The following MYO1H variants were observed in gnomAD, a reference collection of about 807,000 sequenced individuals.
MYO1H encodes the protein myosin IH.
Under a neutral mutation model 149.3 loss-of-function variants are expected in MYO1H, and 118 were observed. The observed-to-expected ratio is 0.79, with a 90% confidence interval of 0.68 to 0.92. The LOEUF is 0.92. MYO1H is among the 40% of genes least tolerant of loss of function. The pLI, the probability that MYO1H is intolerant of heterozygous loss-of-function variation, is 0.00. For synonymous variants in MYO1H, 447 were observed against 465.2 expected, an observed-to-expected ratio of 0.96 and a Z score of 0.50; for missense variants, 1,212 against 1,280.7, an observed-to-expected ratio of 0.95 and a Z score of 0.82.
At chr12:109,353,393 C>CAAGAAAAAAAAA (rs1868507584) in intron 1 of MYO1H, among the ~76,000 whole-genome samples, 1 of 79,298 alleles carries the variant, frequency 1.3e-5, no homozygotes, top group Non-Finnish European at 2.4e-5. Context: ...GACTCCGTCT[C>CAAGAAAAAAAAA]AAAAAAAAAA....
chr12:109,412,944 C>T (rs942005342), intron 14 of MYO1H, among the ~76,000 whole-genome samples: 8 of 141,136 alleles, frequency 5.7e-5, no homozygotes, highest in South Asian at 4.3e-4. Context: ...TGCCACTACG[C>T]CCGGCTAATT....
chr12:109,312,425 C>T, the MYO1H span, among the ~76,000 whole-genome samples: 17 of 148,990 alleles, frequency 1.1e-4, no homozygotes, highest in African/African-American at 3.6e-4. Flanking sequence ...TAAGTAGAGA[C>T]GGGGTTTCAC....
chr12:109,424,866 C>G lies in MYO1H; in HGVS notation c.1725+38C>G, dbSNP rs775652815. Reference sequence around the variant, plus strand: ...AACACCCATGCAAAATTGGATCTCACCAGAGGGTGAGATGACCACCAACTA... The same window carrying G: ...AACACCCATGCAAAATTGGATCTCAGCAGAGGGTGAGATGACCACCAACTA... On this transcript the variant is annotated intron_variant, in intron 17 of 31. Transcript: ENST00000310903. 8.4e-6 allele frequency: 13 copies of G among 1,555,106 alleles called. No individual in the cohort carries two copies. The Admixed American group carries it at 2.0e-4, about 24-fold the overall frequency.
At chr12:109,402,631 A>T (rs1047030611) in intron 6 of MYO1H, among the ~76,000 whole-genome samples, 1 of 152,232 alleles carries the variant, frequency 6.6e-6, no homozygotes, top group Non-Finnish European at 1.5e-5. Flanking sequence ...GAAATAAGAA[A>T]AATGAAGGTA....
At chr12:109,391,689 A>G (rs575502039) in intron 2 of MYO1H, among the ~76,000 whole-genome samples, 1 of 152,310 alleles carries the variant, frequency 6.6e-6, no homozygotes, top group East Asian at 1.9e-4. Context: ...AACAGTGTAA[A>G]AGCCTTCCTT....
chr12:109,364,648 CTTA>C (rs1868830030), intron 1 of MYO1H, among the ~76,000 whole-genome samples: 1 of 152,128 alleles, frequency 6.6e-6, no homozygotes. Context: ...ACTATTATGT[CTTA>C]TTGTTGTAAA....
In MYO1H at chr12:109,396,587, G is replaced by A. The variant is rs781582124; in HGVS notation, c.489+5G>A. The stretch of plus-strand genomic sequence containing the variant: ...TTCTCCAACCCAGTGCTGGAGGTAA[G>A]CGATCTCTGGGGACCAATCGAAGGG... On this transcript the variant is annotated splice_donor_5th_base_variant and intron_variant, in intron 4 of 31. Transcript: ENST00000310903. 11 of 1,607,446 alleles carry A rather than the reference G, an allele frequency of 6.8e-6. No individual in the cohort carries two copies. The South Asian group carries it at 1.2e-4, about 18-fold the overall frequency.
intron 16 of MYO1H, among the ~76,000 whole-genome samples, chr12:109,423,389 T>C (rs1278546163): frequency 6.6e-6 from 1 of 152,226 alleles, no homozygotes; most frequent in African/African-American, 2.4e-5. Flanking sequence ...CTTGAACTCC[T>C]GGCCTCAGGT....
At chr12:109,394,953 G>T (rs1482044389) in intron 3 of MYO1H, among the ~76,000 whole-genome samples, 2 of 152,094 alleles carry the variant, frequency 1.3e-5, no homozygotes, top group Non-Finnish European at 1.5e-5. Flanking sequence ...ATAGAGACAG[G>T]GTCTCAGTGT....
the MYO1H span, among the ~76,000 whole-genome samples, chr12:109,310,566 C>G: frequency 6.6e-6 from 1 of 151,386 alleles, no homozygotes; most frequent in Non-Finnish European, 1.5e-5. Context: ...CTCGCGTTAT[C>G]TACTTCGCAG....
chr12:109,438,573 T>A (rs2135597654), exon 23 of MYO1H: 1 of 1,613,536 alleles, frequency 6.2e-7, no homozygotes, highest in East Asian at 2.2e-5. Flanking sequence ...GGGCCCTGGC[T>A]CGGAAGGCAA....
chr12:109,397,999 C>G (rs962162049), intron 5 of MYO1H, among the ~76,000 whole-genome samples, 187 bp downstream of exon 5: 3 of 152,176 alleles, frequency 2.0e-5, no homozygotes, highest in African/African-American at 7.2e-5. Flanking sequence ...TTTATACCAT[C>G]TGGATGGGCA....
chr12:109,401,995 C>T (rs1013708919), intron 6 of MYO1H, among the ~76,000 whole-genome samples: 6 of 152,186 alleles, frequency 3.9e-5, no homozygotes, highest in Non-Finnish European at 8.8e-5. Flanking sequence ...CTGCCTCAGC[C>T]TCCCAAAGTG....
intron 14 of MYO1H, 39 bp from the exon 15 acceptor site, chr12:109,415,487 G>T: frequency 6.5e-7 from 1 of 1,548,988 alleles, no homozygotes; most frequent in Non-Finnish European, 8.8e-7. Flanking sequence ...AAAAAGAAAA[G>T]AAAAGAAAGT....
chr12:109,375,040 A>G lies in MYO1H; in HGVS notation c.13-13643A>G, dbSNP rs189136551. On this transcript the variant is annotated intron_variant, in intron 1 of 31. Transcript: ENST00000310903. ...CAGTGAATTTTTGTATTTTTAGTAG[A>G]GACGGGGTTTCGCCATGTTGGCCAG... Among the ~76,000 whole-genome samples the G allele has an allele frequency of 1.5e-3, 221 of 152,026 alleles. 2 individuals carry two copies. Among genetic ancestry groups the G allele is most frequent in the African/African-American group, 5.1e-3 (210 of 41,454 alleles).
At chr12:109,323,952 G>T in the MYO1H span, among the ~76,000 whole-genome samples, 24 of 152,114 alleles carry the variant, frequency 1.6e-4, 1 homozygote, top group East Asian at 1.2e-3. Context: ...GCTGAGGCGG[G>T]AGGATTCCTT....
At chr12:109,317,745 T>C in the MYO1H span, among the ~76,000 whole-genome samples, 1 of 152,178 alleles carries the variant, frequency 6.6e-6, no homozygotes, top group Non-Finnish European at 1.5e-5. Context: ...AGCCAGGGAT[T>C]TGGGACAGCG....
At chr12:109,361,608 C>T (rs1592779570) in intron 1 of MYO1H, among the ~76,000 whole-genome samples, 1 of 152,004 alleles carries the variant, frequency 6.6e-6, no homozygotes, top group African/African-American at 2.4e-5. Context: ...GAGTTCATGA[C>T]CAGCTTGGCC....
At chr12:109,429,549 A>G (rs1871522486) in intron 19 of MYO1H, among the ~76,000 whole-genome samples, 1 of 152,232 alleles carries the variant, frequency 6.6e-6, no homozygotes, top group South Asian at 2.1e-4. Flanking sequence ...TAAAGTGTAC[A>G]GGAAGATGTA....
Sources: gnomAD v4.1 joint callset for allele counts (sites outside exome capture counted in the v4.1 genomes callset) on GRCh38, gnomAD v4.1.1 for gene constraint, MANE v1.5 for transcripts, NCBI Gene and HGNC (gene_info 2026-07-23, HGNC 2026-07-21) for gene names.